The following EML5 variants were observed in gnomAD, a reference collection of about 807,000 sequenced individuals.
EML5 encodes the protein echinoderm microtubule-associated protein-like 5.
EML5 carries 120 observed loss-of-function variants against 250.0 expected under a neutral mutation model. The ratio of observed to expected loss-of-function variants is 0.48; its 90% CI spans 0.41 to 0.56. The LOEUF (loss-of-function observed/expected upper bound fraction) is 0.56. EML5 is among the 20% of genes least tolerant of loss of function. The pLI is 0.00. For missense variants in EML5, 2,006 were observed against 2,437.6 expected, an observed-to-expected ratio of 0.82 and a Z score of 3.73; for synonymous variants, 771 against 806.5, an observed-to-expected ratio of 0.96 and a Z score of 0.75.
chr14:88,693,886 T>C (rs2093017233), intron 17 of EML5, among the ~76,000 whole-genome samples: 1 of 148,954 alleles, frequency 6.7e-6, no homozygotes, highest in Non-Finnish European at 1.5e-5. Flanking sequence ...TCCTTCCACC[T>C]TATCGTCCCA....
intron 31 of EML5, among the ~76,000 whole-genome samples, chr14:88,642,424 C>G (rs1234544045): frequency 1.3e-5 from 2 of 152,160 alleles, no homozygotes; most frequent in Non-Finnish European, 2.9e-5. Flanking sequence ...CATAGAGCCA[C>G]AGATAAACAG....
chr14:88,786,069 CT>C (rs1460784466), intron 1 of EML5, among the ~76,000 whole-genome samples: 6 of 152,202 alleles, frequency 3.9e-5, no homozygotes, highest in Admixed American at 3.9e-4. Flanking sequence ...CTCAAAAATA[CT>C]GGCATTCTGC....
intron 1 of EML5, among the ~76,000 whole-genome samples, chr14:88,763,347 C>A (rs1444988235): frequency 6.6e-6 from 1 of 152,032 alleles, no homozygotes; most frequent in Admixed American, 6.6e-5. Context: ...CACAGAAATA[C>A]AAACTACCAT....
chr14:88,726,558 G>C lies in EML5; in HGVS notation c.1170C>G (p.Phe390Leu). The change falls in exon 8 of 44, where the codon TTC (phenylalanine) becomes TTG (leucine). Residue 390 changes from phenylalanine to leucine, a missense_variant. Around this residue, in one of 7 missense-constraint regions of EML5, gnomAD observed 1,375 missense variants for 1,590.3 expected, o/e 0.86. Coordinates refer to ENST00000554922, the MANE Select transcript of EML5 (RefSeq NM_183387.3). ...TACCATACCTTACTCTAAGTACAGT[G>C]AATGAGCCATCCTTCATTCCAAGGG... The part of the protein sequence containing the change: ...HLALGMKDGS[F>L]TVLRVRDMTE... 1 of 1,606,244 alleles carries C rather than the reference G, an allele frequency of 6.2e-7. No individual in the cohort carries two copies. The highest frequency in any genetic ancestry group is 8.5e-7 in the Non-Finnish European group (1 of 1,176,038).
chr14:88,677,408 T>C (rs1008065797), intron 21 of EML5, among the ~76,000 whole-genome samples: 1 of 152,176 alleles, frequency 6.6e-6, no homozygotes, highest in African/African-American at 2.4e-5. Context: ...GATTCAATTA[T>C]GAAAATGTCA....
rs760816061 is a variant in EML5, at chr14:88,644,456, C to T, written c.4084G>A (p.Gly1362Ser). 1.2e-6 allele frequency: 2 copies of T among 1,613,580 alleles called. No homozygotes were observed. The highest frequency in any genetic ancestry group is 1.7e-6 in the Non-Finnish European group (2 of 1,179,798). The change falls in exon 30 of 44, where the codon GGC becomes AGC. Residue 1362 changes from glycine (G) to serine (S), a missense_variant. This residue lies in a region of EML5 where 1,375 missense variants were observed against 1,590.3 expected (regional missense o/e 0.86). Coordinates refer to ENST00000554922, the MANE Select transcript of EML5 (RefSeq NM_183387.3). ...QPEKLQTNNV[G>S]KKKRPIEDLV... is the part of the protein sequence containing the mutation. Reference sequence around the variant, plus strand: ...ACCTCTATAGGTCTCTTTTTCTTGCCTACATTGTTTGTCTGGAGTTTCTCT... The same window carrying T: ...ACCTCTATAGGTCTCTTTTTCTTGCTTACATTGTTTGTCTGGAGTTTCTCT...
intron 22 of EML5, 140 bp from the exon 23 acceptor site, chr14:88,664,764 TAACAAATGATAA>T: frequency 2.5e-6 from 2 of 802,522 alleles, no homozygotes; most frequent in South Asian, 3.8e-5. Flanking sequence ...ATGTGTTAAA[TAACAAATGATAA>T]CATTTTTCAA....
At position 88,621,204 on chromosome 14, in the gene EML5, G is replaced by A; in HGVS notation, c.5111C>T (p.Pro1704Leu). 6.2e-7 allele frequency: 1 copy of A among 1,613,872 alleles called. No individual in the cohort carries two copies. Among genetic ancestry groups the A allele is most frequent in the Non-Finnish European group, 8.5e-7 (1 of 1,179,858 alleles). ...NILVNGHVDG[P>L]IWGLATHPSR... Reference sequence around the variant, plus strand: ...AGGATGTGTTGCTAGTCCCCAGATTGGCCCATCCACATGACCGTTAACTAA... The same window carrying A: ...AGGATGTGTTGCTAGTCCCCAGATTAGCCCATCCACATGACCGTTAACTAA... Residue 1704 changes from proline to leucine, a missense_variant, in exon 38 of 44, where the codon CCA (proline) becomes CTA (leucine). Pro to Leu is a moderately conservative substitution (Grantham distance 98). Transcript: ENST00000554922.
intron 17 of EML5, among the ~76,000 whole-genome samples, chr14:88,691,863 C>T (rs2092966695): frequency 6.6e-6 from 1 of 152,214 alleles, no homozygotes; most frequent in Admixed American, 6.5e-5. Flanking sequence ...TCCTTTTATG[C>T]TTCACTTTCA....
chr14:88,637,519 T>C (rs2090808513), intron 32 of EML5, among the ~76,000 whole-genome samples: 1 of 152,012 alleles, frequency 6.6e-6, no homozygotes, highest in Non-Finnish European at 1.5e-5. Flanking sequence ...AGGTGGGAAA[T>C]GAAAGAACCA....
intron 1 of EML5, among the ~76,000 whole-genome samples, chr14:88,789,066 G>GT (rs913477062): frequency 1.3e-5 from 2 of 148,618 alleles, no homozygotes; most frequent in African/African-American, 2.5e-5. Context: ...GCCTGTCTCA[G>GT]TTTAAAAAAA....
At chr14:88,678,218 C>A (rs1190797562) in intron 21 of EML5, among the ~76,000 whole-genome samples, 1 of 152,094 alleles carries the variant, frequency 6.6e-6, no homozygotes, top group Non-Finnish European at 1.5e-5. Flanking sequence ...CATGTTCTCC[C>A]TTATAAGTGG....
At chr14:88,639,022 T>TGAA in intron 31 of EML5, 115 bp from the exon 32 acceptor site, 1 of 742,344 alleles carries the variant, frequency 1.3e-6, no homozygotes, top group Non-Finnish European at 2.2e-6. Context: ...AAACATGTTT[T>TGAA]TGAGCACTTA....
At chr14:88,640,785 A>T (rs1341859325) in intron 31 of EML5, among the ~76,000 whole-genome samples, 1 of 152,122 alleles carries the variant, frequency 6.6e-6, no homozygotes, top group Non-Finnish European at 1.5e-5. Flanking sequence ...GTTTTTTGAA[A>T]AGATAAACAA....
intron 1 of EML5, among the ~76,000 whole-genome samples, chr14:88,790,786 G>C (rs543162812): frequency 6.6e-6 from 1 of 152,266 alleles, no homozygotes; most frequent in South Asian, 2.1e-4. Context: ...AAAAAGACAA[G>C]ACACTGGGGT....
chr14:88,684,998 T>G lies in EML5; in HGVS notation c.2982+17A>C. 1 of 1,587,870 alleles carries G rather than the reference T, an allele frequency of 6.3e-7. No individual in the cohort carries two copies. The highest frequency in any genetic ancestry group is 8.6e-7 in the Non-Finnish European group (1 of 1,168,880). ...TTGTATGTAAAGAAAAAAAAACAAA[T>G]TAGCATTTAAAATTACCTGAACCAG... On this transcript the variant is annotated intron_variant, in intron 20 of 43. Coordinates refer to ENST00000554922, the MANE Select transcript of EML5 (RefSeq NM_183387.3).
chr14:88,698,755 T>C (rs2093139782), intron 14 of EML5, among the ~76,000 whole-genome samples: 2 of 152,190 alleles, frequency 1.3e-5, no homozygotes, highest in Admixed American at 6.5e-5. Flanking sequence ...GCAGTTACTT[T>C]TCCTCTGAAT....
intron 32 of EML5, among the ~76,000 whole-genome samples, chr14:88,635,809 G>T (rs2090691933): frequency 6.6e-6 from 1 of 152,218 alleles, no homozygotes; most frequent in South Asian, 2.1e-4. Flanking sequence ...AGGTGTGAAG[G>T]TTATGAGGAT....
At chr14:88,719,673 CTT>C (rs1226681790) in intron 8 of EML5, among the ~76,000 whole-genome samples, 1 of 144,354 alleles carries the variant, frequency 6.9e-6, no homozygotes, top group African/African-American at 2.5e-5. Context: ...ATGATATGAG[CTT>C]TTTTTTTTTT....
Sources: gnomAD v4.1 joint callset for allele counts (sites outside exome capture counted in the v4.1 genomes callset) on GRCh38, gnomAD v4.1.1 for gene constraint, gnomAD v4.1.1 regional missense constraint, MANE v1.5 for transcripts, NCBI Gene and HGNC (gene_info 2026-07-23, HGNC 2026-07-21) for gene names.